Variants in RRM2B observed in about 807,000 individuals in gnomAD.
RRM2B encodes the protein ribonucleotide reductase regulatory TP53 inducible subunit M2B.
RRM2B carries 20 observed loss-of-function variants against 45.9 expected under a neutral mutation model. The observed-to-expected ratio is 0.44, with a 90% CI of 0.31 to 0.63. The LOEUF is 0.63. RRM2B is among the 30% of genes least tolerant of loss of function. RRM2B has a pLI of 0.09. For synonymous variants in RRM2B, 124 were observed against 132.3 expected (o/e 0.94, Z 0.43); for missense variants, 320 against 414.7 (o/e 0.77, Z 1.98).
At position 102,218,847 on chromosome 8, in the gene RRM2B, G is replaced by A; in HGVS notation, c.651C>T (p.Leu217=). Residue 217 remains leucine, a synonymous_variant, in exon 6 of 9, where the codon CTC becomes CTT. Transcript: ENST00000251810. The part of the protein sequence containing the change: ...WLKKRGLMPG[L]TFSNELISRD... ...TGCTGATGAGTTCATTGGAAAAAGTGAGTCCTGGCATAAGACCTCTCTTCT... is the reference window on the plus strand; with the variant it reads ...TGCTGATGAGTTCATTGGAAAAAGTAAGTCCTGGCATAAGACCTCTCTTCT... 6.2e-7 allele frequency: 1 copy of A among 1,613,750 alleles called. No individual in the cohort carries two copies. The highest frequency in any genetic ancestry group is 8.5e-7 in the Non-Finnish European group (1 of 1,179,818).
chr8:102,236,225 A>G lies in RRM2B; in HGVS notation c.48+2602T>C, dbSNP rs28999678. Among the ~76,000 whole-genome samples, 1,369 of 152,266 alleles carry G rather than the reference A, an allele frequency of 9.0e-3. 24 individuals are homozygous for G. Among genetic ancestry groups the G allele is most frequent in the African/African-American group, 0.031 (1,288 of 41,546 alleles). On this transcript the variant is annotated intron_variant, in intron 1 of 8. Coordinates refer to ENST00000251810, the MANE Select transcript of RRM2B (RefSeq NM_015713.5). ...GATCTTCAAACATCGGAGGTCTAGAAGGCTCATACTCCAATTCTCCCCATT... is the reference window on the plus strand; with the variant it reads ...GATCTTCAAACATCGGAGGTCTAGAGGGCTCATACTCCAATTCTCCCCATT...
chr8:102,230,654 G>A (rs1241695204), intron 2 of RRM2B, among the ~76,000 whole-genome samples: 1 of 152,186 alleles, frequency 6.6e-6, no homozygotes, highest in Non-Finnish European at 1.5e-5. Flanking sequence ...TAACAAAGAT[G>A]TTGACAATAT....
Position 102,214,138 on chromosome 8 carries a change from A to G in RRM2B, c.705T>C (p.Ala235=), listed in dbSNP as rs1810684528. The G allele has an allele frequency of 6.2e-7, 1 of 1,613,060 alleles. No homozygotes were observed. Among genetic ancestry groups the G allele is most frequent in the African/African-American group, 1.3e-5 (1 of 74,884 alleles). Residue 235 remains alanine, a synonymous_variant, in exon 7 of 9, where the codon GCT becomes GCC. Transcript: ENST00000251810. ...TTACTAAGTATTGGAACATCAGGCA[A>G]GCAAAGTCACAGTGAAGTCCCTAAA... ...SRDEGLHCDF[A]CLMFQYLVNK...
chr8:102,232,035 T>A lies in RRM2B; in HGVS notation c.204+114A>T, dbSNP rs771090996. 3.0e-6 allele frequency: 3 copies of A among 992,628 alleles called. No individual in the cohort carries two copies. In the South Asian group the frequency reaches 4.0e-5, roughly 13 times the overall value. The allele number at this position is 992,628 out of a possible 1,614,324, so 61.5% of individuals were successfully genotyped here. On this transcript the variant is annotated intron_variant, in intron 2 of 8. Transcript: ENST00000251810. ...TTAGTCTCAGTAATTCCAACACTTA[T>A]CTTCTACAACTGATCTTCTTCAATG...
chr8:102,232,042 C>A, intron 2 of RRM2B, 107 bp downstream of exon 2: 1 of 1,040,584 alleles, frequency 9.6e-7, no homozygotes, highest in Non-Finnish European at 1.5e-6. Context: ...TTATCTTCTA[C>A]AACTGATCTT....
rs1482793521 is a variant in RRM2B at position 102,205,389 on chromosome 8, AAATGAGAC to A, written c.*2736_*2743del. 25 of 152,350 alleles carry A rather than the reference AAATGAGAC, an allele frequency of 1.6e-4. No homozygotes were observed. Among genetic ancestry groups the A allele is most frequent in the African/African-American group, 5.3e-4 (22 of 41,594 alleles). The allele number at this position is 152,350 out of a possible 1,614,324, so 9.4% of individuals were successfully genotyped here. The stretch of plus-strand genomic sequence containing the variant: ...AAAGCAGAAAAATATGGATGTTTCT[AAATGAGAC>A]AATGAGACAATTATAAAAATTTCAT... On this transcript the variant is annotated 3_prime_UTR_variant, in exon 9 of 9. Coordinates refer to ENST00000251810, the MANE Select transcript of RRM2B (RefSeq NM_015713.5).
At chr8:102,229,796 G>A (rs1447841278) in intron 2 of RRM2B, among the ~76,000 whole-genome samples, 1 of 152,110 alleles carries the variant, frequency 6.6e-6, no homozygotes, top group Non-Finnish European at 1.5e-5. Flanking sequence ...TGTTGTCCAG[G>A]TTGGTCTCAA....
chr8:102,229,767 T>C (rs1810997344), intron 2 of RRM2B, among the ~76,000 whole-genome samples: 1 of 152,136 alleles, frequency 6.6e-6, no homozygotes, highest in South Asian at 2.1e-4. Context: ...GTATTTTTAC[T>C]AGAGACAGGG....
intron 1 of RRM2B, among the ~76,000 whole-genome samples, chr8:102,236,153 TTAAGA>T (rs1255404881): frequency 7.2e-5 from 11 of 152,296 alleles, no homozygotes; most frequent in African/African-American, 2.6e-4. Flanking sequence ...ATCTAGACTC[TTAAGA>T]TAAATCAGAC....
chr8:102,235,758 G>A (rs2132566396), intron 1 of RRM2B, among the ~76,000 whole-genome samples: 1 of 152,294 alleles, frequency 6.6e-6, no homozygotes, highest in Admixed American at 6.5e-5. Context: ...AGAATCACTT[G>A]AACCCAAGAG....
chr8:102,219,843 G>C (rs1349341851), intron 5 of RRM2B, among the ~76,000 whole-genome samples: 2 of 152,196 alleles, frequency 1.3e-5, no homozygotes, highest in African/African-American at 4.8e-5. Flanking sequence ...TTATACCTCA[G>C]TACATGTCAC....
chr8:102,234,528 C>T (rs1300354264), intron 1 of RRM2B, among the ~76,000 whole-genome samples: 1 of 151,982 alleles, frequency 6.6e-6, no homozygotes, highest in Non-Finnish European at 1.5e-5. Context: ...TCTAAGAACC[C>T]ATATTTTAGA....
rs540917522 is a variant in RRM2B, at chr8:102,209,305, T to C, written c.904-1020A>G. Among the ~76,000 whole-genome samples, 6 of 152,280 alleles carry C rather than the reference T, an allele frequency of 3.9e-5. No individual in the cohort carries two copies. In the East Asian group the frequency reaches 1.2e-3, roughly 29 times the overall value. On this transcript the variant is annotated intron_variant, in intron 8 of 8. Transcript: ENST00000251810. The stretch of plus-strand genomic sequence containing the variant: ...CACTACAGATAAACATATATTCAAG[T>C]AACCCAATTTTAAATATGGGCAGAG...
chr8:102,215,799 CTGGATG>C (rs1230275271), intron 6 of RRM2B, among the ~76,000 whole-genome samples: 1 of 151,608 alleles, frequency 6.6e-6, no homozygotes, highest in Non-Finnish European at 1.5e-5. Flanking sequence ...TTTTAATTAA[CTGGATG>C]TGGTGGTACA....
intron 1 of RRM2B, among the ~76,000 whole-genome samples, chr8:102,236,679 GAGAT>G (rs976228585): frequency 2.3e-4 from 35 of 152,204 alleles, no homozygotes; most frequent in Non-Finnish European, 2.6e-4. Context: ...GGTAAGATAG[GAGAT>G]AGAGAAACAA....
At position 102,218,937 on chromosome 8, in the gene RRM2B, C is replaced by A. The variant is rs746455892; in HGVS notation, c.561G>T (p.Val187=). The change falls in exon 6 of 9, where the codon GTG becomes GTT. Residue 187 remains valine, a synonymous_variant. Transcript: ENST00000251810. ...CTCCTTCTACAGCAGCAAAGGCCAC[C>A]ACTCTTTCCCCTGGGAGACATAAAA... ...ADRKSTFGER[V]VAFAAVEGVF... is the part of the protein sequence containing the mutation. The A allele has an allele frequency of 2.1e-5, 34 of 1,613,254 alleles. No individual in the cohort carries two copies. Among genetic ancestry groups the A allele is most frequent in the Non-Finnish European group, 2.5e-5 (30 of 1,179,492 alleles).
intron 2 of RRM2B, among the ~76,000 whole-genome samples, chr8:102,230,550 A>G (rs1008591924): frequency 2.6e-5 from 4 of 152,238 alleles, no homozygotes; most frequent in Admixed American, 2.0e-4. Flanking sequence ...AGTTAGGGAC[A>G]GTCAGGTGTG....
intron 1 of RRM2B, among the ~76,000 whole-genome samples, chr8:102,235,893 A>G (rs1170285959): frequency 6.6e-6 from 1 of 152,212 alleles, no homozygotes; most frequent in Admixed American, 6.5e-5. Flanking sequence ...ATGTCCAGTA[A>G]GCAGTTAAAA....
Position 102,205,024 on chromosome 8 carries a change from T to C in RRM2B, c.*3109A>G, listed in dbSNP as rs1325187531. 2.0e-5 allele frequency: 3 copies of C among 152,148 alleles called. No individual in the cohort carries two copies. Among genetic ancestry groups the C allele is most frequent in the Admixed American group, 6.5e-5 (1 of 15,278 alleles). The allele number at this position is 152,148 out of a possible 1,614,324, so 9.4% of individuals were successfully genotyped here. On this transcript the variant is annotated 3_prime_UTR_variant, in exon 9 of 9. Transcript: ENST00000251810. ...AAGGAGCAGAGCACTTAAAGGGAAA[T>C]GGTGGGAAACAAAGAGATTTCAATT... is the stretch of plus-strand genomic sequence containing the variant.
Sources: allele counts gnomAD v4.1 joint callset (sites outside exome capture counted in the v4.1 genomes callset), GRCh38; gene constraint gnomAD v4.1.1; transcripts MANE v1.5; gene names NCBI Gene and HGNC (gene_info 2026-07-23, HGNC 2026-07-21).